The following MTERF4 variants were observed in gnomAD, a reference collection of about 807,000 sequenced individuals.
MTERF4 encodes mitochondrial transcription termination factor 4, also known as transcription termination factor 4, mitochondrial.
In MTERF4, 17 loss-of-function variants were observed where a neutral mutation model predicts 22.5. The observed-to-expected ratio is 0.75, with a 90% CI of 0.52 to 1.13. The LOEUF is 1.13. Ranked by LOEUF, MTERF4 falls within the 50% of genes most tolerant of loss-of-function variation. MTERF4 has a pLI of 0.00. For synonymous variants in MTERF4, 165 were observed against 175.3 expected (o/e 0.94, Z 0.47); for missense variants, 420 against 466.8 (o/e 0.90, Z 0.92).
At chr2:241,064,074 G>A in the MTERF4 span, 7 of 1,569,410 alleles carry the variant, frequency 4.5e-6, no homozygotes, top group Non-Finnish European at 5.2e-6. This position sits in a 1 kb window ranked among gnomAD's most constrained non-coding sequence, Gnocchi z 7.0. Flanking sequence ...CGGCGGCGGG[G>A]CCTACCTGTG....
intron 2 of MTERF4, among the ~76,000 whole-genome samples, chr2:241,097,936 A>C (rs889292087): frequency 1.2e-4 from 18 of 152,200 alleles, no homozygotes; most frequent in Non-Finnish European, 5.9e-5. Flanking sequence ...AATAGTAATC[A>C]TGAGGACACA....
the MTERF4 span, chr2:241,065,344 G>C: frequency 1.9e-6 from 3 of 1,613,046 alleles, no homozygotes; most frequent in Non-Finnish European, 2.5e-6. Context: ...GTGGAGGAGA[G>C]TGGGGTCTCT....
At chr2:241,087,208 CA>C (rs2063628401), downstream of MTERF4, 4 of 582,364 alleles carry the variant, frequency 6.9e-6, no homozygotes, top group Non-Finnish European at 1.2e-5. Context: ...AAATTTATTA[CA>C]AATCACATGA....
Position 241,099,691 on chromosome 2 carries a change from C to T in MTERF4, c.225G>A (p.Gln75=). Residue 75 remains glutamine, a synonymous_variant, in exon 2 of 4, where the codon CAG becomes CAA. Transcript: ENST00000391980. ...QEPECRRNLV[Q]CLLEKQGTPV... Reference sequence around the variant, plus strand: ...GAGTCCCCTGCTTCTCAAGGAGGCACTGAACAAGATTCCTCCTGCACTCTG... The same window carrying T: ...GAGTCCCCTGCTTCTCAAGGAGGCATTGAACAAGATTCCTCCTGCACTCTG... 6.2e-7 allele frequency: 1 copy of T among 1,614,218 alleles called. No homozygotes were observed. The highest frequency in any genetic ancestry group is 1.3e-5 in the African/African-American group (1 of 75,062).
At chr2:241,090,462 T>G, downstream of MTERF4, 1 of 1,532,420 alleles carries the variant, frequency 6.5e-7, no homozygotes, top group Non-Finnish European at 8.8e-7. Flanking sequence ...AAAATAATGA[T>G]GAAGAGTATA....
In MTERF4 at chr2:241,096,475, A is replaced by C; in HGVS notation, c.706-37T>G. On this transcript the variant is annotated intron_variant, in intron 3 of 3. Transcript: ENST00000391980. This position sits in a 1 kb window ranked among gnomAD's most constrained non-coding sequence, Gnocchi z 5.1. ...AAACACACTTAGGAGTCCCAGATAC[A>C]GAGTATTGAAACCTATCATTCTATA... is the stretch of plus-strand genomic sequence containing the variant. 3.1e-6 allele frequency: 5 copies of C among 1,601,170 alleles called. No homozygotes were observed. The highest frequency in any genetic ancestry group is 4.3e-6 in the Non-Finnish European group (5 of 1,168,824).
the MTERF4 span, chr2:241,052,458 G>C: frequency 6.2e-7 from 1 of 1,607,100 alleles, no homozygotes; most frequent in Non-Finnish European, 8.5e-7. Flanking sequence ...TGGGACGCCG[G>C]TGCCAGGCAG....
chr2:241,059,287 C>T, the MTERF4 span, among the ~76,000 whole-genome samples: 3 of 152,318 alleles, frequency 2.0e-5, no homozygotes, highest in South Asian at 4.1e-4. Context: ...GATTGCTTCA[C>T]GGATGAATTC....
chr2:241,052,550 C>T, the MTERF4 span: 10,559 of 1,043,632 alleles, frequency 0.01, 399 homozygotes, highest in African/African-American at 0.055. Context: ...AAGCAGGGTA[C>T]ATGGGATACC....
chr2:241,088,299 G>T, downstream of MTERF4: 1 of 1,146,388 alleles, frequency 8.7e-7, no homozygotes. Context: ...CCTGGACTGA[G>T]GTAGCTGTAG....
chr2:241,047,185 TA>T, the MTERF4 span, among the ~76,000 whole-genome samples: 1 of 141,350 alleles, frequency 7.1e-6, no homozygotes, highest in Admixed American at 7.1e-5. Flanking sequence ...TTAGGTAAAC[TA>T]ATCAAGATAA....
downstream of MTERF4, chr2:241,069,842 G>A (rs2062625550): frequency 6.6e-7 from 1 of 1,517,540 alleles, no homozygotes; most frequent in Non-Finnish European, 8.9e-7. This position sits in a 1 kb window ranked among gnomAD's most constrained non-coding sequence, Gnocchi z 4.9. Context: ...GGCAGCCCAT[G>A]TCCGGTTCTC....
chr2:241,072,135 C>T (rs1232472009), downstream of MTERF4: 8 of 692,174 alleles, frequency 1.2e-5, no homozygotes, highest in East Asian at 2.7e-5. Context: ...TGGTAGGGCA[C>T]GCAAGAGAAG....
chr2:241,066,081 C>T, the MTERF4 span, among the ~76,000 whole-genome samples: 7 of 152,222 alleles, frequency 4.6e-5, 1 homozygote, highest in Middle Eastern at 3.4e-3. Context: ...CGGGAAGAGC[C>T]GTGGGGCAGG....
chr2:241,047,743 G>C, the MTERF4 span, among the ~76,000 whole-genome samples: 2 of 152,134 alleles, frequency 1.3e-5, no homozygotes. Flanking sequence ...TCCATTCCTG[G>C]GTGGCTTCTC....
At chr2:241,071,925 C>A, downstream of MTERF4, 1 of 1,408,306 alleles carries the variant, frequency 7.1e-7, no homozygotes, top group Non-Finnish European at 9.8e-7. Context: ...CACCCTCGTC[C>A]TCACTGCCAC....
chr2:241,063,291 G>C, the MTERF4 span: 78 of 505,604 alleles, frequency 1.5e-4, no homozygotes, highest in African/African-American at 1.3e-3. Context: ...AGGCTCCAGG[G>C]AGGGCAAGGC....
chr2:241,092,167 GCCGC>G (rs2064065380), downstream of MTERF4: 1 of 152,328 alleles, frequency 6.6e-6, no homozygotes, highest in African/African-American at 2.4e-5. This position sits in a 1 kb window ranked among gnomAD's most constrained non-coding sequence, Gnocchi z 4.6. Flanking sequence ...TGCAGACACA[GCCGC>G]CCCTGCTCTG....
rs757408497 is a variant in MTERF4 at position 241,097,224 on chromosome 2, C to T, written c.705+19G>A. ...TTCTCACCTGAAACTACGCTAATCA[C>T]GCTATCAGTCATTCTCACCTGAAAC... On this transcript the variant is annotated intron_variant, in intron 3 of 3. Transcript: ENST00000391980. The T allele has an allele frequency of 1.6e-5, 26 of 1,612,248 alleles. No individual in the cohort carries two copies. Among genetic ancestry groups the T allele is most frequent in the Non-Finnish European group, 2.0e-5 (24 of 1,179,038 alleles).
Sources: gnomAD v4.1 joint callset for allele counts (sites outside exome capture counted in the v4.1 genomes callset) on GRCh38, gnomAD v4.1.1 for gene constraint, Gnocchi (gnomAD v3.1) non-coding constraint, MANE v1.5 for transcripts, NCBI Gene and HGNC (gene_info 2026-07-23, HGNC 2026-07-21) for gene names.